The following MCTP1 variants were observed in gnomAD, a reference collection of about 807,000 sequenced individuals.
The protein encoded by MCTP1 is multiple C2 and transmembrane domain containing 1.
Under a neutral mutation model 120.6 loss-of-function variants are expected in MCTP1, and 69 were observed. The observed-to-expected ratio is 0.57, with a 90% CI of 0.47 to 0.70. The LOEUF (loss-of-function observed/expected upper bound fraction) is 0.70, where lower values mean the gene tolerates loss of function less well. Among genes scored for constraint, MCTP1 ranks in the 30% least tolerant of loss-of-function variants. MCTP1 has a pLI of 0.00. For synonymous variants in MCTP1, 529 were observed against 493.1 expected, an observed-to-expected ratio of 1.07 and a Z score of -0.96; for missense variants, 1,203 against 1,248.8, an observed-to-expected ratio of 0.96 and a Z score of 0.55.
chr5:94,891,955 T>C (rs1026535890), intron 11 of MCTP1, among the ~76,000 whole-genome samples: 6 of 152,092 alleles, frequency 3.9e-5, no homozygotes, highest in East Asian at 1.9e-4. Flanking sequence ...CAGCCCTCAA[T>C]AGATGGGAAA....
chr5:94,936,164 A>C (rs1816151568), intron 5 of MCTP1, among the ~76,000 whole-genome samples: 1 of 152,074 alleles, frequency 6.6e-6, no homozygotes, highest in South Asian at 2.1e-4. Context: ...AACTTACAAA[A>C]GAAAATTAAA....
chr5:95,240,910 C>CCT (rs953772632), intron 1 of MCTP1, among the ~76,000 whole-genome samples: 3 of 150,116 alleles, frequency 2.0e-5, no homozygotes, highest in Admixed American at 6.6e-5. Context: ...TCTCTCTCTC[C>CCT]CTCTCTCTCT....
At chr5:95,115,030 G>A (rs1220749509) in intron 1 of MCTP1, among the ~76,000 whole-genome samples, 1 of 152,166 alleles carries the variant, frequency 6.6e-6, no homozygotes, top group Non-Finnish European at 1.5e-5. Context: ...CCATCAAGGA[G>A]GTACTTCTAC....
chr5:94,799,021 G>T lies in MCTP1; in HGVS notation c.2548C>A (p.Arg850Ser), dbSNP rs144106740. 18 of 1,610,838 alleles carry T rather than the reference G, an allele frequency of 1.1e-5. No individual in the cohort carries two copies. The highest frequency in any genetic ancestry group is 1.4e-5 in the Non-Finnish European group (16 of 1,178,176). Residue 850 changes from arginine to serine, a missense_variant, in exon 18 of 23, where the codon CGT (arginine) becomes AGT (serine). By Grantham distance (110) the Arg-to-Ser change is moderately radical. This residue lies in a region of MCTP1 where 740 missense variants were observed against 871.1 expected (regional missense o/e 0.85). Coordinates refer to ENST00000515393, the MANE Select transcript of MCTP1 (RefSeq NM_024717.7). ...LIISGKDNRQ[R>S]DTVVEDMLED... Reference sequence around the variant, plus strand: ...AGAGAGTAGAGACTTACTGTATCACGTTGCCTGTTATCTTTCCCTGATATT... The same window carrying T: ...AGAGAGTAGAGACTTACTGTATCACTTTGCCTGTTATCTTTCCCTGATATT...
At chr5:95,127,379 T>C (rs777693341) in intron 1 of MCTP1, among the ~76,000 whole-genome samples, 1 of 152,168 alleles carries the variant, frequency 6.6e-6, no homozygotes, top group Non-Finnish European at 1.5e-5. Flanking sequence ...ACAGGGATAC[T>C]GACACAGGAC....
intron 5 of MCTP1, 69 bp from the exon 6 acceptor site, chr5:94,932,060 TTA>T (rs1814823292): frequency 9.0e-7 from 1 of 1,104,998 alleles, no homozygotes; most frequent in African/African-American, 1.6e-5. Context: ...CAGTTGTTTT[TTA>T]GCGGAAACAT....
At chr5:95,249,642 C>G (rs1279199919) in intron 1 of MCTP1, among the ~76,000 whole-genome samples, 4 of 152,002 alleles carry the variant, frequency 2.6e-5, no homozygotes, top group African/African-American at 7.3e-5. Context: ...TTTGACCCAG[C>G]GATCACATTA....
chr5:95,041,580 A>AT (rs954226728), intron 1 of MCTP1, among the ~76,000 whole-genome samples: 7 of 152,174 alleles, frequency 4.6e-5, no homozygotes, highest in African/African-American at 1.2e-4. Context: ...TTTGGAGGGC[A>AT]TTTTTTGGCT....
intron 17 of MCTP1, among the ~76,000 whole-genome samples, chr5:94,820,093 C>G (rs769256129): frequency 1.3e-5 from 2 of 152,208 alleles, no homozygotes; most frequent in Non-Finnish European, 2.9e-5. Flanking sequence ...TCACTTTTGA[C>G]TGACTGGATG....
intron 1 of MCTP1, among the ~76,000 whole-genome samples, chr5:95,045,954 G>T (rs1479931560): frequency 6.6e-6 from 1 of 152,114 alleles, no homozygotes; most frequent in Non-Finnish European, 1.5e-5. Flanking sequence ...TCCCTTCTGT[G>T]AAATGGAGAT....
intron 1 of MCTP1, chr5:95,024,166 C>G (rs1484543391): frequency 2.4e-6 from 1 of 411,332 alleles, no homozygotes; most frequent in East Asian, 7.6e-5. Context: ...TCAAAGAAAT[C>G]ACTTCCAAGA....
At chr5:94,965,895 A>T (rs966496126) in intron 2 of MCTP1, among the ~76,000 whole-genome samples, 1 of 152,064 alleles carries the variant, frequency 6.6e-6, no homozygotes, top group African/African-American at 2.4e-5. Context: ...TTTCCAGAGG[A>T]CCCAGCAACA....
chr5:94,972,313 T>C (rs1476291179), intron 2 of MCTP1, among the ~76,000 whole-genome samples: 3 of 152,130 alleles, frequency 2.0e-5, no homozygotes, highest in African/African-American at 7.2e-5. Context: ...ATGGAGACTA[T>C]GGATCCTAAT....
At chr5:95,201,331 C>T (rs1750985165) in intron 1 of MCTP1, among the ~76,000 whole-genome samples, 1 of 152,026 alleles carries the variant, frequency 6.6e-6, no homozygotes, top group Admixed American at 6.6e-5. Context: ...TTCATTGATT[C>T]ATAGGCACAT....
At position 94,993,806 on chromosome 5, in the gene MCTP1, A is replaced by T. The variant is rs143331591; in HGVS notation, c.838+23561T>A. 4.0e-3 allele frequency among the ~76,000 whole-genome samples: 603 copies of T among 152,294 alleles called. 2 individuals carry two copies. The highest frequency in any genetic ancestry group is 6.8e-3 in the Non-Finnish European group (464 of 68,020). On this transcript the variant is annotated intron_variant, in intron 2 of 22. Transcript: ENST00000515393. ...AAATAAAGAAATGTAGGCATTAAAA[A>T]CTTATCAATAAAATGTTCTTGGGAG...
intron 17 of MCTP1, among the ~76,000 whole-genome samples, chr5:94,829,599 CAGAT>C (rs931965414): frequency 1.3e-5 from 2 of 151,096 alleles, no homozygotes; most frequent in African/African-American, 4.9e-5. Flanking sequence ...TTAACGGGGA[CAGAT>C]AAACACAACA....
intron 19 of MCTP1, among the ~76,000 whole-genome samples, chr5:94,752,038 G>A (rs1004629665): frequency 2.1e-5 from 3 of 145,356 alleles, no homozygotes; most frequent in South Asian, 2.2e-4. Context: ...CAGCACACCA[G>A]CATGGCACAT....
chr5:95,056,061 T>G (rs13359900), intron 1 of MCTP1, among the ~76,000 whole-genome samples: 1 of 152,140 alleles, frequency 6.6e-6, no homozygotes, highest in Non-Finnish European at 1.5e-5. Context: ...GAGTACATAT[T>G]TGACACCAAT....
intron 2 of MCTP1, among the ~76,000 whole-genome samples, chr5:94,969,820 T>C (rs950456181): frequency 1.3e-5 from 2 of 152,126 alleles, no homozygotes; most frequent in Non-Finnish European, 1.5e-5. Flanking sequence ...ACATCAGTGA[T>C]TTAAAAATCT....
Sources: gnomAD v4.1 joint callset for allele counts (sites outside exome capture counted in the v4.1 genomes callset) on GRCh38, gnomAD v4.1.1 for gene constraint, gnomAD v4.1.1 regional missense constraint, MANE v1.5 for transcripts, NCBI Gene and HGNC (gene_info 2026-07-23, HGNC 2026-07-21) for gene names.